Variants in IL1RAPL1 observed in about 807,000 individuals in gnomAD.
The protein encoded by IL1RAPL1 is interleukin 1 receptor accessory protein like 1, also known as interleukin-1 receptor accessory protein-like 1.
A neutral mutation model predicts 48.4 loss-of-function variants in IL1RAPL1; 3 were observed. The observed-to-expected ratio is 0.06, with a 90% confidence interval of 0.03 to 0.16. IL1RAPL1 has a LOEUF of 0.16. Among genes scored for constraint, IL1RAPL1 ranks in the 10% least tolerant of loss-of-function variants. The probability of loss-of-function intolerance (pLI) is 1.00; values close to 1 mark genes in which losing one functional copy is unlikely to be tolerated. For synonymous variants in IL1RAPL1, 185 were observed against 187.7 expected (o/e 0.99, Z 0.12); for missense variants, 349 against 530.6 (o/e 0.66, Z 3.36).
intron 2 of IL1RAPL1, among the ~76,000 whole-genome samples, chrX:29,198,681 A>G (rs1198597815): frequency 9.0e-6 from 1 of 111,620 alleles, no homozygotes; most frequent in Admixed American, 9.6e-5. Flanking sequence ...ATTGTTGGCC[A>G]CTTTAATATA....
chrX:29,483,329 G>A (rs922047954), intron 5 of IL1RAPL1, among the ~76,000 whole-genome samples: 1 of 111,711 alleles, frequency 9.0e-6, no homozygotes, highest in East Asian at 2.8e-4. Context: ...ACTTGAGGAA[G>A]TAATGTATGG....
intron 2 of IL1RAPL1, among the ~76,000 whole-genome samples, chrX:28,938,050 A>G (rs999270789): frequency 4.5e-5 from 5 of 111,460 alleles, no homozygotes; most frequent in South Asian, 3.7e-4. Flanking sequence ...ATTCCATGCT[A>G]AGGGATGGGA....
chrX:29,522,902 C>G lies in IL1RAPL1; in HGVS notation c.703+123594C>G, dbSNP rs186627313. On this transcript the variant is annotated intron_variant, in intron 5 of 10. Transcript: ENST00000378993. ...CTTTTCATCTGTGTTCTCTCTCTCT[C>G]TCATCTGTGTTCTCTCTCTCTCTCT... Among the ~76,000 whole-genome samples the G allele has an allele frequency of 1.0e-3, 115 of 111,375 alleles. 1 individual carries two copies. The highest frequency in any genetic ancestry group is 3.4e-3 in the African/African-American group (105 of 30,688).
chrX:29,124,113 A>C (rs1039305774), intron 2 of IL1RAPL1, among the ~76,000 whole-genome samples: 3 of 111,744 alleles, frequency 2.7e-5, no homozygotes, highest in Non-Finnish European at 5.6e-5. Context: ...TTCATTTATA[A>C]GTTAATGGTA....
chrX:28,792,038 T>G, intron 2 of IL1RAPL1, among the ~76,000 whole-genome samples: 1 of 111,765 alleles, frequency 8.9e-6, no homozygotes, highest in African/African-American at 3.3e-5. Flanking sequence ...AAAAATCAAT[T>G]TTTGATGTTT....
chrX:28,722,165 A>C (rs1935593424), intron 1 of IL1RAPL1, among the ~76,000 whole-genome samples: 1 of 111,393 alleles, frequency 9.0e-6, no homozygotes, highest in Non-Finnish European at 1.9e-5. Context: ...GATGGCATTG[A>C]ATCTGTAAAT....
chrX:29,240,041 T>G (rs1160863486), intron 2 of IL1RAPL1, among the ~76,000 whole-genome samples: 2 of 106,460 alleles, frequency 1.9e-5, no homozygotes, highest in Non-Finnish European at 3.8e-5. Context: ...TAAGGTCAGT[T>G]GATTAACAAC....
At chrX:29,940,009 C>G (rs1432689913) in intron 8 of IL1RAPL1, among the ~76,000 whole-genome samples, 1 of 109,711 alleles carries the variant, frequency 9.1e-6, no homozygotes, top group Non-Finnish European at 1.9e-5. Context: ...ATTACAGGTG[C>G]CTGCCACCAT....
At chrX:28,893,116 AG>A (rs1922815709) in intron 2 of IL1RAPL1, among the ~76,000 whole-genome samples, 1 of 111,155 alleles carries the variant, frequency 9.0e-6, no homozygotes, top group South Asian at 3.9e-4. Flanking sequence ...AGAAGATAGC[AG>A]GGATGACAAG....
chrX:28,975,436 C>T (rs1925181257), intron 2 of IL1RAPL1, among the ~76,000 whole-genome samples: 1 of 112,183 alleles, frequency 8.9e-6, no homozygotes, highest in African/African-American at 3.2e-5. Context: ...TTCCTTAGCT[C>T]TAGTACAAAA....
chrX:28,951,291 C>G (rs1464538009), intron 2 of IL1RAPL1, among the ~76,000 whole-genome samples: 1 of 109,121 alleles, frequency 9.2e-6, no homozygotes, highest in Non-Finnish European at 1.9e-5. Context: ...TTCAAGGATG[C>G]AAATTTGAAG....
intron 1 of IL1RAPL1, among the ~76,000 whole-genome samples, chrX:28,722,749 T>G (rs896627357): frequency 2.0e-4 from 22 of 111,508 alleles, no homozygotes; most frequent in African/African-American, 6.8e-4. Flanking sequence ...AGCTCTTAAT[T>G]ATTTTGAGAT....
At chrX:29,802,847 A>ATG (rs757407276) in intron 6 of IL1RAPL1, among the ~76,000 whole-genome samples, 1 of 89,875 alleles carries the variant, frequency 1.1e-5, no homozygotes, top group Non-Finnish European at 2.1e-5. Context: ...GTATACATAT[A>ATG]TGTGTATATA....
intron 2 of IL1RAPL1, among the ~76,000 whole-genome samples, chrX:29,246,790 G>A (rs1168232989): frequency 9.0e-6 from 1 of 111,112 alleles, no homozygotes; most frequent in Non-Finnish European, 1.9e-5. Context: ...AACCATAATT[G>A]TTTTGAAGTC....
At chrX:29,403,217 C>A (rs1308325241) in intron 5 of IL1RAPL1, among the ~76,000 whole-genome samples, 1 of 112,266 alleles carries the variant, frequency 8.9e-6, no homozygotes, top group Non-Finnish European at 1.9e-5. Context: ...TTGGACTTAA[C>A]AGTTATTTTA....
intron 2 of IL1RAPL1, among the ~76,000 whole-genome samples, chrX:29,217,895 A>G (rs969223872): frequency 3.6e-5 from 4 of 110,785 alleles, no homozygotes; most frequent in African/African-American, 1.3e-4. Flanking sequence ...ACCAAAGGAA[A>G]CAGAAGAAAG....
intron 2 of IL1RAPL1, among the ~76,000 whole-genome samples, chrX:28,961,340 A>G (rs1325794042): frequency 9.1e-6 from 1 of 110,080 alleles, no homozygotes; most frequent in Non-Finnish European, 1.9e-5. Flanking sequence ...ATTTCATCTC[A>G]TTTTATTTTA....
At chrX:29,355,257 G>A (rs1425375363) in intron 3 of IL1RAPL1, among the ~76,000 whole-genome samples, 1 of 111,451 alleles carries the variant, frequency 9.0e-6, no homozygotes, top group African/African-American at 3.3e-5. Flanking sequence ...TCCTTATACT[G>A]AAGAGGCATA....
At chrX:28,825,521 T>C (rs1936984554) in intron 2 of IL1RAPL1, among the ~76,000 whole-genome samples, 1 of 111,447 alleles carries the variant, frequency 9.0e-6, no homozygotes, top group Admixed American at 9.6e-5. Context: ...AATAACCATT[T>C]CCCCAAACTT....
Sources: gnomAD v4.1 joint callset for allele counts (sites outside exome capture counted in the v4.1 genomes callset) on GRCh38, gnomAD v4.1.1 for gene constraint, MANE v1.5 for transcripts, NCBI Gene and HGNC (gene_info 2026-07-23, HGNC 2026-07-21) for gene names.